Variants in CLUL1 observed in about 807,000 individuals in gnomAD.
CLUL1 encodes clusterin-like protein 1.
A neutral mutation model predicts 49.4 loss-of-function variants in CLUL1; 43 were observed. That is an observed-to-expected ratio of 0.87 (90% CI 0.68 to 1.12). The LOEUF is 1.12. Among genes scored for constraint, CLUL1 ranks in the 50% most tolerant of loss-of-function variants. The pLI is 0.00. For synonymous variants in CLUL1, 192 were observed against 184.9 expected (o/e 1.04, Z -0.31); for missense variants, 486 against 544.4 (o/e 0.89, Z 1.07).
intron 9 of CLUL1, among the ~76,000 whole-genome samples, chr18:646,286 G>A (rs1159028207): frequency 6.6e-6 from 1 of 151,788 alleles, no homozygotes; most frequent in African/African-American, 2.4e-5. Flanking sequence ...AATTAAGCCA[G>A]ATGTGACAGG....
chr18:627,981 G>A (rs1393710814), intron 6 of CLUL1, among the ~76,000 whole-genome samples: 1 of 152,052 alleles, frequency 6.6e-6, no homozygotes, highest in Non-Finnish European at 1.5e-5. Context: ...GCACCACCAC[G>A]CCCAGCTAAT....
intron 1 of CLUL1, among the ~76,000 whole-genome samples, chr18:604,128 G>T (rs764707948): frequency 2.0e-5 from 3 of 152,174 alleles, no homozygotes; most frequent in Admixed American, 6.5e-5. Context: ...TGATCCAACC[G>T]CCTTGGCCTC....
chr18:601,295 A>C (rs2072822768), intron 1 of CLUL1, among the ~76,000 whole-genome samples: 1 of 152,098 alleles, frequency 6.6e-6, no homozygotes, highest in Non-Finnish European at 1.5e-5. Flanking sequence ...AAATAGGATG[A>C]TCAAAATGAA....
At chr18:609,823 CAAAAA>C (rs10550407) in intron 2 of CLUL1, among the ~76,000 whole-genome samples, 5 of 100,708 alleles carry the variant, frequency 5.0e-5, no homozygotes, top group African/African-American at 1.1e-4. Context: ...GACTCTGTCT[CAAAAA>C]AAAAAAAAAA....
chr18:640,525 T>C (rs1257799569), intron 7 of CLUL1, among the ~76,000 whole-genome samples: 1 of 152,098 alleles, frequency 6.6e-6, no homozygotes, highest in Non-Finnish European at 1.5e-5. Context: ...ATATTATCAC[T>C]TATGTATTCT....
In CLUL1 at chr18:641,342, C is replaced by G; in HGVS notation, c.1010C>G (p.Pro337Arg). 1 of 1,614,122 alleles carries G rather than the reference C, an allele frequency of 6.2e-7. No individual in the cohort carries two copies. The highest frequency in any genetic ancestry group is 8.5e-7 in the Non-Finnish European group (1 of 1,180,022). Residue 337 changes from proline to arginine, a missense_variant, in exon 8 of 10, where the codon CCT becomes CGT. Physicochemically the swap from Pro to Arg is moderately radical, Grantham distance 103. Coordinates refer to ENST00000692774, the MANE Select transcript of CLUL1 (RefSeq NM_001393344.1). ...AHLSEDCPDV[P>R]ALHTELDEAI... is the part of the protein sequence containing the mutation. ...TCTCTGCTAGACTGTCCTGATGTAC[C>G]TGCTCTGCACACAGAATTAGACGAG...
rs144202558 is a variant in CLUL1 at position 618,253 on chromosome 18, C to G, written c.106+147C>G. The G allele has an allele frequency of 6.6e-6, 4 of 605,922 alleles. No individual in the cohort carries two copies. In the East Asian group the frequency reaches 1.1e-4, roughly 17 times the overall value. The allele number at this position is 605,922 out of a possible 1,614,324, so 37.5% of individuals were successfully genotyped here. Reference sequence around the variant, plus strand: ...AGGCGCTTAAACCAGGTCATCCTGACGCCAAACATCTGGGTAAAAATAGAA... The same window carrying G: ...AGGCGCTTAAACCAGGTCATCCTGAGGCCAAACATCTGGGTAAAAATAGAA... On this transcript the variant is annotated intron_variant, in intron 3 of 9. Coordinates refer to ENST00000692774, the MANE Select transcript of CLUL1 (RefSeq NM_001393344.1). The surrounding 1 kb of genome is among the most constrained non-coding windows in gnomAD (Gnocchi z 4.2).
Position 630,041 on chromosome 18 carries a change from T to C in CLUL1, c.856+2512T>C, listed in dbSNP as rs149298352. 4.3e-3 allele frequency among the ~76,000 whole-genome samples: 658 copies of C among 152,274 alleles called. 8 individuals are homozygous for C. Among genetic ancestry groups the C allele is most frequent in the African/African-American group, 0.014 (592 of 41,532 alleles). ...CCCTAATCCCCAGAACCTGTGAATT[T>C]ATGTTATGTGGCAAAGGGAAAGTAA... On this transcript the variant is annotated intron_variant, in intron 6 of 9. Coordinates refer to ENST00000692774, the MANE Select transcript of CLUL1 (RefSeq NM_001393344.1).
chr18:645,687 G>A (rs796964743), intron 9 of CLUL1, among the ~76,000 whole-genome samples: 3 of 148,202 alleles, frequency 2.0e-5, no homozygotes, highest in African/African-American at 5.0e-5. Flanking sequence ...CCAGCTACTC[G>A]GGAGGCTGAG....
At chr18:636,026 C>T (rs975522801) in intron 7 of CLUL1, among the ~76,000 whole-genome samples, 7 of 152,228 alleles carry the variant, frequency 4.6e-5, no homozygotes, top group African/African-American at 1.7e-4. Context: ...TGAGCCATCG[C>T]GCCTGGCCAA....
chr18:607,608 T>A (rs1366592456), intron 2 of CLUL1, among the ~76,000 whole-genome samples: 1 of 152,164 alleles, frequency 6.6e-6, no homozygotes, highest in South Asian at 2.1e-4. Flanking sequence ...AAAATTTTTT[T>A]GTAGAGACGG....
At chr18:604,820 T>C in intron 1 of CLUL1, among the ~76,000 whole-genome samples, 1 of 152,104 alleles carries the variant, frequency 6.6e-6, no homozygotes, top group Admixed American at 6.5e-5. Flanking sequence ...GGTTGCTGGT[T>C]GCCCCTTCGT....
Position 644,888 on chromosome 18 carries a change from C to T in CLUL1, c.1210-22C>T. The T allele has an allele frequency of 1.9e-6, 3 of 1,558,946 alleles. 1 individual carries two copies. The South Asian group carries it at 3.6e-5, about 19-fold the overall frequency. On this transcript the variant is annotated intron_variant, in intron 8 of 9. Coordinates refer to ENST00000692774, the MANE Select transcript of CLUL1 (RefSeq NM_001393344.1). Reference sequence around the variant, plus strand: ...TGTATTGGGATTTAGTAAACTTCTACTGTATAATCCTTCTTCTGTAGGTAG... The same window carrying T: ...TGTATTGGGATTTAGTAAACTTCTATTGTATAATCCTTCTTCTGTAGGTAG...
At chr18:636,296 A>T (rs2074133616) in intron 7 of CLUL1, among the ~76,000 whole-genome samples, 1 of 152,210 alleles carries the variant, frequency 6.6e-6, no homozygotes, top group Non-Finnish European at 1.5e-5. Flanking sequence ...GACCATATGT[A>T]CATGTATGCA....
At chr18:598,541 A>G in intron 1 of CLUL1, 2 of 398,658 alleles carry the variant, frequency 5.0e-6, no homozygotes, top group Non-Finnish European at 8.8e-6. Flanking sequence ...TGGAGGCAGC[A>G]GTGGGAACAG....
chr18:600,547 G>A (rs1473141786), intron 1 of CLUL1, among the ~76,000 whole-genome samples: 2 of 152,156 alleles, frequency 1.3e-5, no homozygotes, highest in African/African-American at 2.4e-5. Context: ...AAGGCTTGGC[G>A]AGGTGTTTGG....
intron 4 of CLUL1, among the ~76,000 whole-genome samples, chr18:622,713 T>A (rs2073530592): frequency 6.6e-6 from 1 of 152,234 alleles, no homozygotes; most frequent in African/African-American, 2.4e-5. Context: ...GAGATACTAG[T>A]TATTATACTG....
chr18:649,889 T>C lies in CLUL1; in HGVS notation c.1398-9T>C. On this transcript the variant is annotated splice_polypyrimidine_tract_variant and intron_variant, in intron 9 of 9. Coordinates refer to ENST00000692774, the MANE Select transcript of CLUL1 (RefSeq NM_001393344.1). ...TTTGATCATTGCTGCCTTTTTTTTTTTTTTTAAGGTAAGAAGATCTAATGC... is the reference window on the plus strand; with the variant it reads ...TTTGATCATTGCTGCCTTTTTTTTTCTTTTTAAGGTAAGAAGATCTAATGC... 1 of 1,405,820 alleles carries C rather than the reference T, an allele frequency of 7.1e-7. No individual in the cohort carries two copies. Among genetic ancestry groups the C allele is most frequent in the Non-Finnish European group, 1.0e-6 (1 of 1,000,760 alleles). 87.1% of individuals were successfully genotyped at this position (1,405,820 alleles called of 1,614,324 possible).
chr18:644,252 G>GT (rs1300625773), intron 8 of CLUL1, among the ~76,000 whole-genome samples: 5 of 152,156 alleles, frequency 3.3e-5, no homozygotes, highest in African/African-American at 1.2e-4. Context: ...ATCAAGTTGC[G>GT]TATCAGTTCA....
Sources: allele counts gnomAD v4.1 joint callset (sites outside exome capture counted in the v4.1 genomes callset), GRCh38; gene constraint gnomAD v4.1.1; non-coding constraint Gnocchi (gnomAD v3.1); transcripts MANE v1.5; gene names NCBI Gene and HGNC (gene_info 2026-07-23, HGNC 2026-07-21).